The following WDR17 variants were observed in gnomAD, a reference collection of about 807,000 sequenced individuals.
WDR17 encodes the protein WD repeat-containing protein 17.
WDR17 carries 143 observed loss-of-function variants against 161.7 expected under a neutral mutation model. The ratio of observed to expected loss-of-function variants is 0.88; its 90% confidence interval spans 0.77 to 1.02. The LOEUF (loss-of-function observed/expected upper bound fraction) is 1.02. WDR17 is among the 50% of genes least tolerant of loss of function. The pLI is 0.00. For synonymous variants in WDR17, 517 were observed against 515.6 expected, an observed-to-expected ratio of 1.00 and a Z score of -0.04; for missense variants, 1,469 against 1,520.9, an observed-to-expected ratio of 0.97 and a Z score of 0.57.
At chr4:176,171,494 ATTTG>A (rs1429971837) in intron 23 of WDR17, among the ~76,000 whole-genome samples, 1 of 152,144 alleles carries the variant, frequency 6.6e-6, no homozygotes, top group Admixed American at 6.6e-5. Flanking sequence ...GTTTGTTGTA[ATTTG>A]TTTGAGAGAG....
chr4:176,082,175 A>G (rs7664497), intron 1 of WDR17, among the ~76,000 whole-genome samples: 51,098 of 151,834 alleles, frequency 0.34, 9,128 homozygotes, highest in East Asian at 0.43. Context: ...ACAGATATAT[A>G]TGGATTAATT....
In WDR17 at chr4:176,179,476, T is replaced by C; in HGVS notation, c.3749T>C (p.Leu1250Pro). 1 of 1,600,104 alleles carries C rather than the reference T, an allele frequency of 6.2e-7. No homozygotes were observed. Among genetic ancestry groups the C allele is most frequent in the Non-Finnish European group, 8.5e-7 (1 of 1,172,274 alleles). Reference protein sequence around the residue: ...GLKIQGPVFFLEDGKSAISLN... With the variant: ...GLKIQGPVFFPEDGKSAISLN... ...ACTGTGCAGGGCCCTGTGTTTTTCC[T>C]TGAAGACGGGAAATCTGCTATCTCC... The change falls in exon 29 of 29, where the codon CTT (leucine) becomes CCT (proline). Residue 1250 changes from leucine to proline, a missense_variant. Physicochemically the swap from Leu to Pro is moderately conservative, Grantham distance 98. Coordinates refer to ENST00000508596, the MANE Select transcript of WDR17 (RefSeq NM_181265.4).
At chr4:176,150,444 A>G (rs1379535418) in intron 15 of WDR17, 24 bp from the exon 16 acceptor site, 7 of 1,586,396 alleles carry the variant, frequency 4.4e-6, no homozygotes, top group Non-Finnish European at 6.0e-6. Context: ...ACTATTCCAT[A>G]TTTATTTTTT....
rs142587368 is a variant in WDR17 at position 176,161,591 on chromosome 4, A to C, written c.2751-484A>C. ...AATAGGATATTTAAACTTTTAAGACACTCATCAAGTAGAAGAGGATCATGA... is the reference window on the plus strand; with the variant it reads ...AATAGGATATTTAAACTTTTAAGACCCTCATCAAGTAGAAGAGGATCATGA... On this transcript the variant is annotated intron_variant, in intron 20 of 28. Coordinates refer to ENST00000508596, the MANE Select transcript of WDR17 (RefSeq NM_181265.4). 1.5e-3 allele frequency among the ~76,000 whole-genome samples: 229 copies of C among 152,206 alleles called. 2 individuals carry two copies. The South Asian group carries it at 0.017, about 11-fold the overall frequency.
At chr4:176,112,779 C>G (rs1287442484) in intron 2 of WDR17, among the ~76,000 whole-genome samples, 1 of 152,058 alleles carries the variant, frequency 6.6e-6, no homozygotes, top group Admixed American at 6.6e-5. Context: ...CATTTTTGCA[C>G]TTTCTGGCAC....
At chr4:176,110,767 A>G (rs1347207055) in intron 1 of WDR17, among the ~76,000 whole-genome samples, 1 of 152,188 alleles carries the variant, frequency 6.6e-6, no homozygotes, top group East Asian at 1.9e-4. Flanking sequence ...GATACGAGAA[A>G]TAGAGACGTA....
chr4:176,070,483 G>T (rs1217195284), intron 1 of WDR17, among the ~76,000 whole-genome samples: 1 of 152,006 alleles, frequency 6.6e-6, no homozygotes, highest in Non-Finnish European at 1.5e-5. Flanking sequence ...AGTTTAGTTA[G>T]TTTATGTAGA....
At chr4:176,116,083 C>T in intron 3 of WDR17, 104 bp downstream of exon 3, 7 of 1,142,680 alleles carry the variant, frequency 6.1e-6, no homozygotes, top group Non-Finnish European at 8.5e-6. Context: ...TTTCAAACTT[C>T]TTAATGGTAA....
intron 1 of WDR17, among the ~76,000 whole-genome samples, chr4:176,099,539 G>A (rs1339942320): frequency 6.6e-6 from 1 of 152,072 alleles, no homozygotes; most frequent in East Asian, 1.9e-4. Flanking sequence ...GAGGGGAAAA[G>A]AAACCACTTA....
chr4:176,086,305 T>C (rs1166956992), intron 1 of WDR17, among the ~76,000 whole-genome samples: 1 of 151,926 alleles, frequency 6.6e-6, no homozygotes, highest in East Asian at 1.9e-4. Flanking sequence ...GTCAGTTGAG[T>C]CCTTTTCTGT....
chr4:176,079,728 A>G (rs1441150879), intron 1 of WDR17, among the ~76,000 whole-genome samples: 2 of 152,158 alleles, frequency 1.3e-5, no homozygotes, highest in Admixed American at 1.3e-4. Context: ...ATTTCTTACC[A>G]TTACGGAAGC....
intron 5 of WDR17, among the ~76,000 whole-genome samples, chr4:176,128,164 T>C (rs1297441041): frequency 6.6e-6 from 1 of 152,230 alleles, no homozygotes; most frequent in Admixed American, 6.5e-5. Context: ...CTGTTGAGTA[T>C]TTCTCAAGGA....
chr4:176,170,439 C>T lies in WDR17; in HGVS notation c.3102+1656C>T, dbSNP rs568549060. Among the ~76,000 whole-genome samples the T allele has an allele frequency of 7.7e-4, 117 of 152,022 alleles. 1 individual carries two copies. Among genetic ancestry groups the T allele is most frequent in the African/African-American group, 2.7e-3 (114 of 41,480 alleles). On this transcript the variant is annotated intron_variant, in intron 23 of 28. Coordinates refer to ENST00000508596, the MANE Select transcript of WDR17 (RefSeq NM_181265.4). ...CAAGCGATTCTCCTGCCCCACCCTCCCAAGTAGCTGGGATTACAGGCATGC... is the reference window on the plus strand; with the variant it reads ...CAAGCGATTCTCCTGCCCCACCCTCTCAAGTAGCTGGGATTACAGGCATGC...
Position 176,065,915 on chromosome 4 carries a change from C to A in WDR17, c.-171C>A, listed in dbSNP as rs964319519. The A allele has an allele frequency of 6.6e-6, 1 of 152,104 alleles. No individual in the cohort carries two copies. Among genetic ancestry groups the A allele is most frequent in the Non-Finnish European group, 1.5e-5 (1 of 68,022 alleles). The allele number at this position is 152,104 out of a possible 1,614,324, so 9.4% of individuals were successfully genotyped here. A position where few individuals can be genotyped will look rare whatever the true frequency, so the allele number is the denominator to read the frequency against. On this transcript the variant is annotated 5_prime_UTR_variant, in exon 1 of 29. Coordinates refer to ENST00000508596, the MANE Select transcript of WDR17 (RefSeq NM_181265.4). The stretch of plus-strand genomic sequence containing the variant: ...GCTGGGGCTTGCGGAGCACGCTTCC[C>A]GCCCCTCGGAGCCCGCGGGCCCGGC...
chr4:176,129,875 A>AT (rs1327392042), intron 6 of WDR17, among the ~76,000 whole-genome samples: 2 of 149,254 alleles, frequency 1.3e-5, no homozygotes, highest in African/African-American at 4.8e-5. Flanking sequence ...GGATGTTGGA[A>AT]TTTTTTTGTC....
chr4:176,103,495 A>C (rs1381694152), intron 1 of WDR17, among the ~76,000 whole-genome samples: 1 of 152,106 alleles, frequency 6.6e-6, no homozygotes, highest in East Asian at 1.9e-4. Context: ...CTACTAGACA[A>C]AGACTTTAAA....
At chr4:176,154,542 G>A (rs1464066753) in intron 17 of WDR17, among the ~76,000 whole-genome samples, 1 of 152,062 alleles carries the variant, frequency 6.6e-6, no homozygotes, top group Non-Finnish European at 1.5e-5. Flanking sequence ...TCATTTCTTA[G>A]GAATGTTGTT....
chr4:176,112,347 T>C (rs1226119194), intron 2 of WDR17, among the ~76,000 whole-genome samples: 2 of 152,236 alleles, frequency 1.3e-5, no homozygotes, highest in Non-Finnish European at 2.9e-5. Context: ...CTACTTTTAG[T>C]TTGGCTCCTA....
intron 1 of WDR17, among the ~76,000 whole-genome samples, chr4:176,080,087 C>A (rs74752307): frequency 0.011 from 1,676 of 151,964 alleles, 18 homozygotes; most frequent in Non-Finnish European, 0.018. Flanking sequence ...GTAGGGGATG[C>A]AGTCAAACCA....
Sources: gnomAD v4.1 joint callset for allele counts (sites outside exome capture counted in the v4.1 genomes callset) on GRCh38, gnomAD v4.1.1 for gene constraint, MANE v1.5 for transcripts, NCBI Gene and HGNC (gene_info 2026-07-23, HGNC 2026-07-21) for gene names.